AHCTF1: variants seen among roughly 807,000 people sequenced by gnomAD.
AHCTF1 encodes the protein AT-hook containing transcription factor 1, also known as protein ELYS.
AHCTF1 carries 24 observed loss-of-function variants against 248.4 expected under a neutral mutation model. The ratio of observed to expected loss-of-function variants is 0.10; its 90% CI spans 0.07 to 0.14. The LOEUF is 0.14. AHCTF1 is among the 10% of genes least tolerant of loss of function. AHCTF1 has a pLI of 1.00. For missense variants in AHCTF1, 2,206 were observed against 2,636.2 expected, an observed-to-expected ratio of 0.84 and a Z score of 3.57; for synonymous variants, 786 against 929.8, an observed-to-expected ratio of 0.85 and a Z score of 2.81.
At chr1:246,863,875 G>C in intron 27 of AHCTF1, 49 bp downstream of exon 27, 1 of 1,569,942 alleles carries the variant, frequency 6.4e-7, no homozygotes, top group Non-Finnish European at 8.7e-7. Flanking sequence ...TACTTGAAAA[G>C]TAAGAGCCAT....
rs1426364152 is a variant in AHCTF1 at position 246,899,977 on chromosome 1, A to G, written c.1432+88T>C. ...ACTAACAGTGAGATACAAACAGATA[A>G]CACTAAATGAATAAACTACACAACG... On this transcript the variant is annotated intron_variant, in intron 10 of 35. Transcript: ENST00000648844. 3.8e-6 allele frequency: 5 copies of G among 1,299,338 alleles called. No homozygotes were observed. The East Asian group carries it at 1.2e-4, about 31-fold the overall frequency. 80.5% of individuals were successfully genotyped at this position (1,299,338 alleles called of 1,614,324 possible).
chr1:246,869,916 G>C (rs943776861), intron 24 of AHCTF1, among the ~76,000 whole-genome samples: 8 of 152,204 alleles, frequency 5.3e-5, no homozygotes, highest in African/African-American at 1.7e-4. Flanking sequence ...GTCACAGATA[G>C]TGATTCCTCT....
rs139195625 is a variant in AHCTF1, at chr1:246,918,663, G to T, written c.-7-286C>A. Among the ~76,000 whole-genome samples the T allele has an allele frequency of 7.8e-3, 1,191 of 152,354 alleles. 26 individuals are homozygous for T. The South Asian group carries it at 0.095, about 12-fold the overall frequency. On this transcript the variant is annotated intron_variant, in intron 1 of 35. Transcript: ENST00000648844. The stretch of plus-strand genomic sequence containing the variant: ...AGCATGGGCGACAGAGCAAAATCCA[G>T]TCTTAAAAACAAATGACATGCATCT...
Position 246,900,293 on chromosome 1 carries a change from T to C in AHCTF1, c.1250+44A>G, listed in dbSNP as rs573644256. On this transcript the variant is annotated intron_variant, in intron 9 of 35. Transcript: ENST00000648844. ...TACTAAGTCATTGGTCAGCTACACA[T>C]ACAAATACAAAGAGAAAGGAGAGAG... 5.1e-6 allele frequency: 8 copies of C among 1,583,634 alleles called. No homozygotes were observed. The East Asian group carries it at 1.6e-4, about 31-fold the overall frequency.
At chr1:246,918,467 A>C in intron 1 of AHCTF1, 90 bp from the exon 2 acceptor site, 1 of 1,246,316 alleles carries the variant, frequency 8.0e-7, no homozygotes, top group Non-Finnish European at 1.1e-6. Flanking sequence ...AGTAAAAGCC[A>C]CCAACAAAAT....
intron 1 of AHCTF1, chr1:246,931,196 C>G: frequency 6.5e-7 from 1 of 1,550,320 alleles, no homozygotes; most frequent in South Asian, 1.2e-5. Context: ...CCGGCCGCTT[C>G]CCTCGGGGAA....
At chr1:246,914,616 AT>A (rs1408669354) in intron 3 of AHCTF1, among the ~76,000 whole-genome samples, 3 of 152,222 alleles carry the variant, frequency 2.0e-5, no homozygotes, top group African/African-American at 7.2e-5. Flanking sequence ...AAAATACTAT[AT>A]GAAGTGATTA....
chr1:246,877,462 A>G (rs1332656453), intron 21 of AHCTF1, among the ~76,000 whole-genome samples, 160 bp from the exon 22 acceptor site: 4 of 152,230 alleles, frequency 2.6e-5, no homozygotes, highest in Admixed American at 6.5e-5. Context: ...ACTGCATAAT[A>G]ATCTTGCTAA....
intron 12 of AHCTF1, 81 bp from the exon 13 acceptor site, chr1:246,896,006 A>C: frequency 8.3e-7 from 1 of 1,202,422 alleles, no homozygotes; most frequent in Non-Finnish European, 1.2e-6. Context: ...TTAGAATTTA[A>C]AAATTTTAAG....
rs1660543433 is a variant in AHCTF1 at position 246,849,619 on chromosome 1, T to C, written c.6387A>G (p.Ala2129=). ...TTTGCAGAGAAAGAAAAGTACCTTT[T>C]GCTTTCCTTGGAACTTCTGACGCTG... ...FSPASEVPRK[A]KAKKIEVPAQ... is the part of the protein sequence containing the mutation. Residue 2129 remains alanine, a synonymous_variant, in exon 33 of 36, where the codon GCA becomes GCG. Coordinates refer to ENST00000648844, the MANE Select transcript of AHCTF1 (RefSeq NM_001323342.2). 1 of 1,602,434 alleles carries C rather than the reference T, an allele frequency of 6.2e-7. No individual in the cohort carries two copies.
intron 17 of AHCTF1, among the ~76,000 whole-genome samples, chr1:246,889,415 T>C (rs1163807595): frequency 1.3e-5 from 2 of 152,188 alleles, no homozygotes; most frequent in South Asian, 2.1e-4. Flanking sequence ...TTATAACTTA[T>C]ATAACAAGCA....
rs138721438 is a variant in AHCTF1 at position 246,876,958 on chromosome 1, T to C, written c.2929A>G (p.Asn977Asp). Residue 977 changes from asparagine (N) to aspartate (D), a missense_variant, in exon 23 of 36, where the codon AAT (asparagine) becomes GAT (aspartate). Physicochemically the swap from Asn to Asp is conservative, Grantham distance 23. Around this residue, in one of 6 missense-constraint regions of AHCTF1, gnomAD observed 955 missense variants for 1,055.6 expected, o/e 0.90. Transcript: ENST00000648844. Reference protein sequence around the residue: ...ALKLNQTLKINVMNDRDPRLR... With the variant: ...ALKLNQTLKIDVMNDRDPRLR... ...GACAACTTTAATCGTACCATAACAT[T>C]AATCTTCAGAGTTTGGTTCAGCTTC... 45 of 1,611,884 alleles carry C rather than the reference T, an allele frequency of 2.8e-5. No homozygotes were observed. In the African/African-American group the frequency reaches 5.3e-4, roughly 19 times the overall value.
At chr1:246,872,051 C>CAAAAAAA (rs753977798) in intron 24 of AHCTF1, among the ~76,000 whole-genome samples, 3 of 83,726 alleles carry the variant, frequency 3.6e-5, no homozygotes, top group African/African-American at 7.4e-5. Flanking sequence ...CTATTAATGA[C>CAAAAAAA]AAAAAAAAAA....
At position 246,897,623 on chromosome 1, in the gene AHCTF1, G is replaced by A. The variant is rs151288253; in HGVS notation, c.1623+585C>T. Among the ~76,000 whole-genome samples the A allele has an allele frequency of 1.7e-3, 253 of 152,234 alleles. 1 individual carries two copies. Among genetic ancestry groups the A allele is most frequent in the African/African-American group, 5.8e-3 (240 of 41,544 alleles). ...ATAGCATGTTACTGTGCTGAATACT[G>A]TAAGCAACTGTAACACAATATGAAG... On this transcript the variant is annotated intron_variant, in intron 12 of 35. Coordinates refer to ENST00000648844, the MANE Select transcript of AHCTF1 (RefSeq NM_001323342.2).
In AHCTF1 at chr1:246,849,647, G is replaced by T. The variant is rs1455894465; in HGVS notation, c.6359C>A (p.Ser2120Tyr). The T allele has an allele frequency of 6.2e-7, 1 of 1,610,292 alleles. No homozygotes were observed. Among genetic ancestry groups the T allele is most frequent in the Non-Finnish European group, 8.5e-7 (1 of 1,177,324 alleles). ...LSEPNNEPLF[S>Y]PASEVPRKAK... ...TTTCCTTGGAACTTCTGACGCTGGAGAAAATAAAGGCTCATTGTTTGGTTC... is the reference window on the plus strand; with the variant it reads ...TTTCCTTGGAACTTCTGACGCTGGATAAAATAAAGGCTCATTGTTTGGTTC... The change falls in exon 33 of 36, where the codon TCT becomes TAT. Residue 2120 changes from serine (S) to tyrosine (Y), a missense_variant. Around this residue, in one of 6 missense-constraint regions of AHCTF1, gnomAD observed 469 missense variants for 470.0 expected, o/e 1.00. Coordinates refer to ENST00000648844, the MANE Select transcript of AHCTF1 (RefSeq NM_001323342.2).
intron 1 of AHCTF1, among the ~76,000 whole-genome samples, chr1:246,926,977 AT>A (rs1558287175): frequency 6.6e-6 from 1 of 152,106 alleles, no homozygotes; most frequent in African/African-American, 2.4e-5. Context: ...GATCGAGACC[AT>A]CCTGGCTAAC....
intron 1 of AHCTF1, among the ~76,000 whole-genome samples, chr1:246,927,424 G>A (rs535279258): frequency 1.2e-4 from 19 of 152,298 alleles, no homozygotes; most frequent in African/African-American, 3.6e-4. Context: ...GGGAGGTGGA[G>A]GTAGCTGTGA....
chr1:246,886,189 G>C (rs935910511), intron 20 of AHCTF1, among the ~76,000 whole-genome samples: 1 of 152,124 alleles, frequency 6.6e-6, no homozygotes, highest in Non-Finnish European at 1.5e-5. Context: ...AAATTAGCCA[G>C]GTAGGGTGGT....
intron 1 of AHCTF1, among the ~76,000 whole-genome samples, 185 bp from the exon 2 acceptor site, chr1:246,918,562 T>G (rs2103229928): frequency 6.6e-6 from 1 of 152,378 alleles, no homozygotes; most frequent in Non-Finnish European, 1.5e-5. Flanking sequence ...CTTGGGAGGC[T>G]GAGGCAGGCG....
Sources: gnomAD v4.1 joint callset for allele counts (sites outside exome capture counted in the v4.1 genomes callset) on GRCh38, gnomAD v4.1.1 for gene constraint, gnomAD v4.1.1 regional missense constraint, MANE v1.5 for transcripts, NCBI Gene and HGNC (gene_info 2026-07-23, HGNC 2026-07-21) for gene names.